ZCWPW2: variants seen among roughly 807,000 people sequenced by gnomAD.
ZCWPW2 encodes zinc finger CW-type PWWP domain protein 2.
A neutral mutation model predicts 46.6 loss-of-function variants in ZCWPW2; 45 were observed. The ratio of observed to expected loss-of-function variants is 0.96; its 90% CI spans 0.76 to 1.24. The LOEUF (loss-of-function observed/expected upper bound fraction) is 1.24. ZCWPW2 is among the 50% of genes most tolerant of loss of function. The pLI, the probability that ZCWPW2 is intolerant of heterozygous loss-of-function variation, is 0.00. For missense variants in ZCWPW2, 429 were observed against 403.9 expected (o/e 1.06, Z -0.53); for synonymous variants, 152 against 137.1 (o/e 1.11, Z -0.76).
At position 28,381,057 on chromosome 3, in the gene ZCWPW2, T is replaced by C. The variant is rs1182219208; in HGVS notation, c.-133-9441T>C. Among the ~76,000 whole-genome samples, 2 of 110,182 alleles carry C rather than the reference T, an allele frequency of 1.8e-5. 1 individual carries two copies. Among genetic ancestry groups the C allele is most frequent in the Non-Finnish European group, 3.6e-5 (2 of 56,242 alleles). 72.3% of individuals were successfully genotyped at this position (110,182 alleles called of 152,430 possible). ...TATATATATATATTTGGTGTATATA[T>C]ATATATATATATATATATATATACA... On this transcript the variant is annotated intron_variant, in intron 1 of 9. Transcript: ENST00000383768.
chr3:28,357,197 A>G (rs1312445303), intron 1 of ZCWPW2, among the ~76,000 whole-genome samples: 1 of 152,218 alleles, frequency 6.6e-6, no homozygotes, highest in African/African-American at 2.4e-5. Flanking sequence ...GCCATTTTAT[A>G]AAGCTACGAA....
intron 6 of ZCWPW2, among the ~76,000 whole-genome samples, chr3:28,505,788 AAAG>A (rs1476656303): frequency 6.6e-6 from 1 of 152,096 alleles, no homozygotes; most frequent in Non-Finnish European, 1.5e-5. Flanking sequence ...ATTACTCTCA[AAAG>A]AAGATTACAA....
chr3:28,383,636 G>T (rs1695174957), intron 1 of ZCWPW2, among the ~76,000 whole-genome samples: 1 of 151,974 alleles, frequency 6.6e-6, no homozygotes, highest in African/African-American at 2.4e-5. Context: ...GCTGGATTTT[G>T]GGTGGCCTTT....
In ZCWPW2 at chr3:28,475,775, C is replaced by A. The variant is rs142666121; in HGVS notation, c.493-3039C>A. Among the ~76,000 whole-genome samples the A allele has an allele frequency of 1.4e-4, 22 of 152,248 alleles. 1 individual carries two copies. In the South Asian group the frequency reaches 3.7e-3, roughly 26 times the overall value. On this transcript the variant is annotated intron_variant, in intron 4 of 9. Transcript: ENST00000383768. The stretch of plus-strand genomic sequence containing the variant: ...TTATATATGGCTAACTTCCTGCCCT[C>A]CTTCAGGGAGATCATGGCCTAAATT...
intron 4 of ZCWPW2, among the ~76,000 whole-genome samples, chr3:28,443,002 G>A (rs1697831167): frequency 6.6e-6 from 1 of 152,176 alleles, no homozygotes; most frequent in Non-Finnish European, 1.5e-5. Flanking sequence ...AGCCAATGTG[G>A]GGGTTCTGCC....
chr3:28,464,726 G>C (rs1698759019), intron 4 of ZCWPW2, among the ~76,000 whole-genome samples: 2 of 152,206 alleles, frequency 1.3e-5, no homozygotes, highest in African/African-American at 4.8e-5. Flanking sequence ...CTAGCTTGTA[G>C]GGCACAGGAG....
At chr3:28,408,477 C>T (rs1035552554) in intron 2 of ZCWPW2, among the ~76,000 whole-genome samples, 4 of 151,982 alleles carry the variant, frequency 2.6e-5, no homozygotes, top group African/African-American at 9.7e-5. Flanking sequence ...TCTAAAGTAA[C>T]TTTATTTTGT....
intron 3 of ZCWPW2, among the ~76,000 whole-genome samples, chr3:28,428,654 A>C (rs1697119951): frequency 6.6e-6 from 1 of 152,170 alleles, no homozygotes; most frequent in East Asian, 1.9e-4. Context: ...CTTGAATTGT[A>C]ATCCAAACTG....
chr3:28,525,601 C>T lies in ZCWPW2; in HGVS notation c.*913C>T, dbSNP rs1181954794. ...GAAGTGCACGAGAGCATCACCACAG[C>T]GGTGAATTTTATTGTGAGTTGCCTC... On this transcript the variant is annotated 3_prime_UTR_variant, in exon 10 of 10. Coordinates refer to ENST00000383768, the MANE Select transcript of ZCWPW2 (RefSeq NM_001040432.4). Among the ~76,000 whole-genome samples the T allele has an allele frequency of 1.3e-5, 2 of 152,050 alleles. No individual in the cohort carries two copies. The highest frequency in any genetic ancestry group is 4.1e-4 in the South Asian group (2 of 4,826).
chr3:28,423,362 C>CTTTTTT (rs1168607790), intron 3 of ZCWPW2, among the ~76,000 whole-genome samples: 4 of 110,856 alleles, frequency 3.6e-5, no homozygotes, highest in African/African-American at 1.0e-4. Context: ...TGTGAGCTAT[C>CTTTTTT]TTTTTTTTTT....
intron 1 of ZCWPW2, among the ~76,000 whole-genome samples, chr3:28,370,318 T>C (rs1373823819): frequency 6.6e-6 from 1 of 152,216 alleles, no homozygotes; most frequent in Non-Finnish European, 1.5e-5. Flanking sequence ...AAACATTCAT[T>C]GTCGCATAAC....
chr3:28,461,021 A>C (rs1382323404), intron 4 of ZCWPW2: 1 of 260,708 alleles, frequency 3.8e-6, no homozygotes. Context: ...ATAAGAAATA[A>C]TTTAAAGTAA....
chr3:28,461,383 A>G (rs924978034), intron 4 of ZCWPW2, among the ~76,000 whole-genome samples: 2 of 152,136 alleles, frequency 1.3e-5, no homozygotes, highest in African/African-American at 4.8e-5. Flanking sequence ...TTCAAGAAAA[A>G]AGTGCTACCA....
intron 9 of ZCWPW2, among the ~76,000 whole-genome samples, chr3:28,521,548 T>C (rs1399748926): frequency 1.3e-5 from 2 of 152,206 alleles, no homozygotes; most frequent in Non-Finnish European, 2.9e-5. Context: ...ATCATTAACA[T>C]ACGGGAAGTA....
At chr3:28,429,102 G>A (rs749991064) in intron 3 of ZCWPW2, among the ~76,000 whole-genome samples, 1 of 152,148 alleles carries the variant, frequency 6.6e-6, no homozygotes, top group African/African-American at 2.4e-5. Context: ...TGGAGGGCTC[G>A]ATACAAGACA....
intron 2 of ZCWPW2, among the ~76,000 whole-genome samples, chr3:28,398,591 G>A (rs1695796350): frequency 6.6e-6 from 1 of 152,114 alleles, no homozygotes; most frequent in Admixed American, 6.5e-5. Flanking sequence ...GCAAGACCTG[G>A]AAGACACCCC....
At chr3:28,492,049 C>A in intron 5 of ZCWPW2, 78 bp from the exon 6 acceptor site, 1 of 1,396,628 alleles carries the variant, frequency 7.2e-7, no homozygotes, top group Non-Finnish European at 9.9e-7. Context: ...GTAGAAAATT[C>A]TAATTGTGTA....
intron 4 of ZCWPW2, among the ~76,000 whole-genome samples, chr3:28,467,270 A>G (rs1457718137): frequency 6.7e-6 from 1 of 149,880 alleles, no homozygotes; most frequent in Non-Finnish European, 1.5e-5. Flanking sequence ...AGAAAACACA[A>G]AAGTACTAAA....
chr3:28,446,751 A>G (rs1012777480), intron 4 of ZCWPW2, among the ~76,000 whole-genome samples: 1 of 151,576 alleles, frequency 6.6e-6, no homozygotes, highest in Non-Finnish European at 1.5e-5. Flanking sequence ...AAAGATCAAT[A>G]AAACTGTCAA....
Sources: allele counts gnomAD v4.1 joint callset (sites outside exome capture counted in the v4.1 genomes callset), GRCh38; gene constraint gnomAD v4.1.1; transcripts MANE v1.5; gene names NCBI Gene and HGNC (gene_info 2026-07-23, HGNC 2026-07-21).